Variants in COA6 observed in about 807,000 individuals in gnomAD.
COA6 encodes cytochrome c oxidase assembly factor 6 homolog.
Under a neutral mutation model 17.1 loss-of-function variants are expected in COA6, and 12 were observed. The ratio of observed to expected loss-of-function variants is 0.70; its 90% CI spans 0.45 to 1.14. COA6 has a LOEUF of 1.14. Ranked by LOEUF, COA6 falls within the 50% of genes most tolerant of loss-of-function variation. The pLI is 0.00. For synonymous variants in COA6, 90 were observed against 73.4 expected (o/e 1.23, Z -1.16); for missense variants, 246 against 196.5 (o/e 1.25, Z -1.51).
intron 2 of COA6, among the ~76,000 whole-genome samples, chr1:234,378,252 TTCATTTAG>T (rs1174025227): frequency 6.6e-6 from 1 of 152,224 alleles, no homozygotes; most frequent in Non-Finnish European, 1.5e-5. Flanking sequence ...GCATATCCTG[TTCATTTAG>T]TCATTCCACA....
Position 234,377,071 on chromosome 1 carries a change from A to ACCC in COA6, c.372+2682_372+2683insCCC, listed in dbSNP as rs1558124863. ...CTTGCTGTGTTGCCGAGAGAGAGAGAGAGAGAGAGAGAGAGAGAGAGAGAG... is the reference window on the plus strand; with the variant it reads ...CTTGCTGTGTTGCCGAGAGAGAGAGACCCGAGAGAGAGAGAGAGAGAGAGAGAG... On this transcript the variant is annotated intron_variant, in intron 2 of 2. Coordinates refer to ENST00000366615, the MANE Select transcript of COA6 (RefSeq NM_001206641.3). Among the ~76,000 whole-genome samples the ACCC allele has an allele frequency of 4.1e-3, 400 of 98,456 alleles. 24 individuals carry two copies. The highest frequency in any genetic ancestry group is 0.014 in the African/African-American group (372 of 27,524). The allele number at this position is 98,456 out of a possible 152,430, so 64.6% of individuals were successfully genotyped here. A position where few individuals can be genotyped will look rare whatever the true frequency, so the allele number is the denominator to read the frequency against.
At chr1:234,380,557 G>C (rs1181116296) in intron 2 of COA6, among the ~76,000 whole-genome samples, 1 of 152,160 alleles carries the variant, frequency 6.6e-6, no homozygotes, top group Admixed American at 6.5e-5. Context: ...ACCAAATTGG[G>C]ATTTAGATTG....
chr1:234,374,088 T>C (rs1209914846), intron 1 of COA6, 142 bp from the exon 2 acceptor site: 2 of 1,045,008 alleles, frequency 1.9e-6, no homozygotes, highest in Non-Finnish European at 2.7e-6. Flanking sequence ...TCAAAATCCC[T>C]AAGCATGGTT....
intron 2 of COA6, among the ~76,000 whole-genome samples, chr1:234,376,329 G>A (rs987968897): frequency 1.3e-5 from 2 of 152,062 alleles, no homozygotes; most frequent in South Asian, 2.1e-4. Context: ...GTTCTTGATC[G>A]TATGTACATC....
In COA6 at chr1:234,377,072, G is replaced by C. The variant is rs1034778568; in HGVS notation, c.372+2683G>C. Among the ~76,000 whole-genome samples the C allele has an allele frequency of 1.9e-3, 188 of 97,914 alleles. 10 individuals carry two copies. Among genetic ancestry groups the C allele is most frequent in the African/African-American group, 6.6e-3 (180 of 27,396 alleles). 64.2% of individuals were successfully genotyped at this position (97,914 alleles called of 152,430 possible). On this transcript the variant is annotated intron_variant, in intron 2 of 2. Transcript: ENST00000366615. ...TTGCTGTGTTGCCGAGAGAGAGAGAGAGAGAGAGAGAGAGAGAGAGAGAGA... is the reference window on the plus strand; with the variant it reads ...TTGCTGTGTTGCCGAGAGAGAGAGACAGAGAGAGAGAGAGAGAGAGAGAGA...
intron 1 of COA6, chr1:234,374,023 C>G (rs1175617672): frequency 1.1e-6 from 1 of 943,030 alleles, no homozygotes; most frequent in Non-Finnish European, 1.5e-6. Flanking sequence ...AGATAAGCCT[C>G]AAGAGCGGGT....
Position 234,374,308 on chromosome 1 carries a change from G to A in COA6, c.291G>A (p.Lys97=), listed in dbSNP as rs769389112. The A allele has an allele frequency of 5.6e-6, 9 of 1,614,118 alleles. No homozygotes were observed. In the East Asian group the frequency reaches 2.0e-4, roughly 36 times the overall value. The change falls in exon 2 of 3, where the codon AAG becomes AAA. Residue 97 remains lysine (K), a synonymous_variant. Transcript: ENST00000366615. ...GGGGGGCCCGGGATGAGTACTGGAA[G>A]TGTTTAGATGAGAACTTAGAGGATG... ...VCWGARDEYW[K]CLDENLEDAS... is the part of the protein sequence containing the mutation.
rs1658721909 is a variant in COA6, at chr1:234,374,330, G to A, written c.313G>A (p.Asp105Asn). 7.4e-6 allele frequency: 12 copies of A among 1,614,032 alleles called. No individual in the cohort carries two copies. Among genetic ancestry groups the A allele is most frequent in the South Asian group, 1.1e-5 (1 of 91,070 alleles). ...YWKCLDENLEDASQCKKLRSS... is the reference protein window; with the variant it reads ...YWKCLDENLENASQCKKLRSS... ...GAAGTGTTTAGATGAGAACTTAGAG[G>A]ATGCTTCTCAATGCAAGAAGTTAAG... Residue 105 changes from aspartate to asparagine, a missense_variant, in exon 2 of 3, where the codon GAT becomes AAT. Asp to Asn is a conservative substitution (Grantham distance 23). Transcript: ENST00000366615.
intron 2 of COA6, among the ~76,000 whole-genome samples, chr1:234,382,418 G>A (rs542181617): frequency 4.6e-4 from 70 of 152,254 alleles, no homozygotes; most frequent in African/African-American, 1.6e-3. Flanking sequence ...TGATTTTAGA[G>A]AACAAGATTT....
At chr1:234,381,999 T>A (rs1658986252) in intron 2 of COA6, among the ~76,000 whole-genome samples, 1 of 152,216 alleles carries the variant, frequency 6.6e-6, no homozygotes, top group Non-Finnish European at 1.5e-5. Context: ...CCAATCAGCC[T>A]GAGACCACCA....
rs1040743208 is a variant in COA6 at position 234,384,688 on chromosome 1, G to A, written c.*870G>A. Among the ~76,000 whole-genome samples, 2 of 152,154 alleles carry A rather than the reference G, an allele frequency of 1.3e-5. No individual in the cohort carries two copies. Among genetic ancestry groups the A allele is most frequent in the African/African-American group, 4.8e-5 (2 of 41,430 alleles). The stretch of plus-strand genomic sequence containing the variant: ...AGACTACATCAGATTAAATGGAGAG[G>A]TATACAGTTGGCCCTCTGTGGGTTC... On this transcript the variant is annotated 3_prime_UTR_variant, in exon 3 of 3. Coordinates refer to ENST00000366615, the MANE Select transcript of COA6 (RefSeq NM_001206641.3).
chr1:234,377,133 T>TTTTTTTTGTTG lies in COA6; in HGVS notation c.372+2746_372+2747insTTTTTGTTGTT, dbSNP rs60899682. Reference sequence around the variant, plus strand: ...CTCTGTCTCCTCTTTTTTTGTTTTTTTTGTTGTTGTTGAGACAGAGTCTCA... The same window carrying TTTTTTTTGTTG: ...CTCTGTCTCCTCTTTTTTTGTTTTTTTTTTTTTGTTGTTGTTGTTGTTGAGACAGAGTCTCA... On this transcript the variant is annotated intron_variant, in intron 2 of 2. Transcript: ENST00000366615. Among the ~76,000 whole-genome samples, 4 of 69,546 alleles carry TTTTTTTTGTTG rather than the reference T, an allele frequency of 5.8e-5. 1 individual carries two copies. The highest frequency in any genetic ancestry group is 1.8e-4 in the African/African-American group (2 of 10,902). The allele number at this position is 69,546 out of a possible 152,430, so 45.6% of individuals were successfully genotyped here.
Position 234,374,331 on chromosome 1 carries a change from A to T in COA6, c.314A>T (p.Asp105Val). 6.2e-7 allele frequency: 1 copy of T among 1,614,028 alleles called. No individual in the cohort carries two copies. The highest frequency in any genetic ancestry group is 2.2e-5 in the East Asian group (1 of 44,878). ...AAGTGTTTAGATGAGAACTTAGAGG[A>T]TGCTTCTCAATGCAAGAAGTTAAGA... ...YWKCLDENLE[D>V]ASQCKKLRSS... The change falls in exon 2 of 3, where the codon GAT becomes GTT. Residue 105 changes from aspartate to valine, a missense_variant. Asp to Val is a radical substitution (Grantham distance 152, BLOSUM62 -3). Transcript: ENST00000366615.
At chr1:234,382,308 A>G (rs769305083) in intron 2 of COA6, among the ~76,000 whole-genome samples, 5 of 152,212 alleles carry the variant, frequency 3.3e-5, no homozygotes, top group African/African-American at 4.8e-5. Flanking sequence ...GTTGGAGATC[A>G]AGGCTGCTTC....
intron 2 of COA6, among the ~76,000 whole-genome samples, chr1:234,380,766 A>G (rs1158012772): frequency 6.6e-6 from 1 of 152,224 alleles, no homozygotes; most frequent in African/African-American, 2.4e-5. Context: ...CACCACTCCC[A>G]AGGCGGGTGG....
chr1:234,373,754 C>A lies in COA6; in HGVS notation c.212+76C>A, dbSNP rs373436327. ...GAGGTCCCTTACTGTCCCCGAGCCG[C>A]GGGTTCCTCTTGTGCAAAACGGGGT... On this transcript the variant is annotated intron_variant, in intron 1 of 2. Coordinates refer to ENST00000366615, the MANE Select transcript of COA6 (RefSeq NM_001206641.3). The A allele has an allele frequency of 9.0e-5, 145 of 1,613,678 alleles. 1 individual carries two copies. The highest frequency in any genetic ancestry group is 5.2e-4 in the Middle Eastern group (3 of 5,774).
At position 234,374,278 on chromosome 1, in the gene COA6, C is replaced by G. The variant is rs1446157689; in HGVS notation, c.261C>G (p.Val87=). ...CCCCATCTATGAAGGAAAGACAGGT[C>G]TGCTGGGGGGCCCGGGATGAGTACT... ...MAAPSMKERQ[V]CWGARDEYWK... is the part of the protein sequence containing the mutation. The change falls in exon 2 of 3, where the codon GTC becomes GTG. Residue 87 remains valine, a synonymous_variant. Transcript: ENST00000366615. 1 of 1,613,808 alleles carries G rather than the reference C, an allele frequency of 6.2e-7. No individual in the cohort carries two copies. The highest frequency in any genetic ancestry group is 1.1e-5 in the South Asian group (1 of 91,032).
chr1:234,378,656 C>T (rs1658876966), intron 2 of COA6, among the ~76,000 whole-genome samples: 1 of 152,092 alleles, frequency 6.6e-6, no homozygotes, highest in Admixed American at 6.6e-5. Context: ...GGCGGATCAC[C>T]TGAGGTCAGG....
In COA6 at chr1:234,384,986, A is replaced by G. The variant is rs1195705637; in HGVS notation, c.*1168A>G. Among the ~76,000 whole-genome samples the G allele has an allele frequency of 6.6e-6, 1 of 152,216 alleles. No individual in the cohort carries two copies. Among genetic ancestry groups the G allele is most frequent in the African/African-American group, 2.4e-5 (1 of 41,452 alleles). The stretch of plus-strand genomic sequence containing the variant: ...AGTTATGTTTATACTGTTGTCTAGT[A>G]AGTGTGCAATAGCATTATGTCTGCT... On this transcript the variant is annotated 3_prime_UTR_variant, in exon 3 of 3. Coordinates refer to ENST00000366615, the MANE Select transcript of COA6 (RefSeq NM_001206641.3).
Sources: gnomAD v4.1 joint callset for allele counts (sites outside exome capture counted in the v4.1 genomes callset) on GRCh38, gnomAD v4.1.1 for gene constraint, MANE v1.5 for transcripts, NCBI Gene and HGNC (gene_info 2026-07-23, HGNC 2026-07-21) for gene names.